Variants in MYH10 observed in about 807,000 individuals in gnomAD.
MYH10 encodes myosin-10.
Under a neutral mutation model 257.8 loss-of-function variants are expected in MYH10, and 55 were observed. The observed-to-expected ratio is 0.21, with a 90% CI of 0.17 to 0.27. MYH10 has a LOEUF of 0.27. MYH10 is among the 10% of genes least tolerant of loss of function. The probability of loss-of-function intolerance (pLI) is 1.00; values close to 1 mark genes in which losing one functional copy is unlikely to be tolerated. For missense variants in MYH10, 1,631 were observed against 2,500.6 expected, an observed-to-expected ratio of 0.65 and a Z score of 7.42; for synonymous variants, 854 against 921.7, an observed-to-expected ratio of 0.93 and a Z score of 1.33.
Position 8,535,587 on chromosome 17 carries a change from A to C in MYH10, c.1780-86T>G. The C allele has an allele frequency of 7.6e-7, 1 of 1,320,544 alleles. No homozygotes were observed. Among genetic ancestry groups the C allele is most frequent in the South Asian group, 1.3e-5 (1 of 74,672 alleles). The allele number at this position is 1,320,544 out of a possible 1,614,324, so 81.8% of individuals were successfully genotyped here. ...AAAACACTTTAAGCCTCAACCAGAA[A>C]CTTTTATACAACAGTCCCCAAAATG... is the stretch of plus-strand genomic sequence containing the variant. On this transcript the variant is annotated intron_variant, in intron 15 of 42. Transcript: ENST00000360416. This position sits in a 1 kb window ranked among gnomAD's most constrained non-coding sequence, Gnocchi z 4.3.
chr17:8,627,004 C>T (rs1395732814), intron 1 of MYH10, among the ~76,000 whole-genome samples: 1 of 152,124 alleles, frequency 6.6e-6, no homozygotes, highest in Non-Finnish European at 1.5e-5. Context: ...ATTGGGACAT[C>T]TTACATATTA....
At chr17:8,600,720 G>A (rs1267035973) in intron 3 of MYH10, among the ~76,000 whole-genome samples, 2 of 152,160 alleles carry the variant, frequency 1.3e-5, no homozygotes, top group African/African-American at 2.4e-5. Context: ...AGTGGTGATG[G>A]AGGTGCGGCT....
At chr17:8,614,017 T>C (rs1464102788) in intron 2 of MYH10, among the ~76,000 whole-genome samples, 4 of 152,188 alleles carry the variant, frequency 2.6e-5, no homozygotes, top group African/African-American at 9.6e-5. Flanking sequence ...AATTTCTACA[T>C]CTGTATATAC....
At chr17:8,620,179 G>A (rs1201530503) in intron 2 of MYH10, among the ~76,000 whole-genome samples, 1 of 152,058 alleles carries the variant, frequency 6.6e-6, no homozygotes, top group Non-Finnish European at 1.5e-5. Flanking sequence ...CATAAAAGCT[G>A]ACAATATACT....
chr17:8,508,514 C>A lies in MYH10; in HGVS notation c.3214+40G>T, dbSNP rs75819823. On this transcript the variant is annotated intron_variant, in intron 26 of 42. Coordinates refer to ENST00000360416, the MANE Select transcript of MYH10 (RefSeq NM_001256012.3). ...GATTACAGTAAAAGCTAAACACTCA[C>A]ATGTCCTAGTCCCTGATTTCTCTAG... 2,342 of 1,612,442 alleles carry A rather than the reference C, an allele frequency of 1.5e-3. 33 individuals carry two copies. In the African/African-American group the frequency reaches 0.028, roughly 19 times the overall value.
chr17:8,495,857 T>C (rs1916510777), intron 30 of MYH10, among the ~76,000 whole-genome samples: 2 of 152,072 alleles, frequency 1.3e-5, no homozygotes, highest in African/African-American at 2.4e-5. Context: ...TTACAGGCGC[T>C]TGCTACCGCG....
At chr17:8,573,935 C>CATGTGAGAGTTCCAGTT in intron 6 of MYH10, 1 of 417,148 alleles carries the variant, frequency 2.4e-6, no homozygotes, top group Non-Finnish European at 3.2e-6. Flanking sequence ...GAAACTGGAA[C>CATGTGAGAGTTCCAGTT]TCTCACATGT....
intron 14 of MYH10, among the ~76,000 whole-genome samples, chr17:8,541,639 C>G (rs551944888): frequency 8.6e-5 from 13 of 151,198 alleles, no homozygotes; most frequent in Admixed American, 8.6e-4. Context: ...ACAAGACTTC[C>G]CTGAGAACAA....
intron 7 of MYH10, among the ~76,000 whole-genome samples, chr17:8,560,081 C>A (rs149561880): frequency 1.3e-5 from 2 of 152,230 alleles, no homozygotes; most frequent in African/African-American, 2.4e-5. Context: ...AAAAAAAATT[C>A]TTTATATCCA....
At chr17:8,491,303 G>A (rs1408391393) in intron 34 of MYH10, among the ~76,000 whole-genome samples, 1 of 152,244 alleles carries the variant, frequency 6.6e-6, no homozygotes, top group Non-Finnish European at 1.5e-5. Context: ...GGATCAACAT[G>A]TGAGTGTTGA....
intron 14 of MYH10, 39 bp downstream of exon 14, chr17:8,542,068 G>A: frequency 1.3e-6 from 2 of 1,576,198 alleles, no homozygotes; most frequent in Non-Finnish European, 1.7e-6. Context: ...CACTGCTTGA[G>A]TGGAAAATGA....
chr17:8,625,859 T>C (rs887842310), intron 1 of MYH10, among the ~76,000 whole-genome samples: 1 of 152,136 alleles, frequency 6.6e-6, no homozygotes, highest in African/African-American at 2.4e-5. Flanking sequence ...TTGACAACCA[T>C]TGCTCCAAAG....
At position 8,569,067 on chromosome 17, in the gene MYH10, T is replaced by C. The variant is rs549567004; in HGVS notation, c.756+653A>G. On this transcript the variant is annotated intron_variant, in intron 7 of 42. Transcript: ENST00000360416. The surrounding 1 kb of genome is among the most constrained non-coding windows in gnomAD (Gnocchi z 4.1). ...TCTCTAAAAAAAAAAAAGTTACTCT[T>C]TTAAATTAGCCTGGTGAAGTAACGT... 6.6e-6 allele frequency among the ~76,000 whole-genome samples: 1 copy of C among 151,312 alleles called. No individual in the cohort carries two copies. The highest frequency in any genetic ancestry group is 2.1e-4 in the South Asian group (1 of 4,766).
intron 14 of MYH10, among the ~76,000 whole-genome samples, chr17:8,537,497 T>G (rs1029936219): frequency 6.6e-6 from 1 of 152,080 alleles, no homozygotes; most frequent in Non-Finnish European, 1.5e-5. Context: ...CCTGAAAGAA[T>G]TGTCAGGGTT....
intron 16 of MYH10, among the ~76,000 whole-genome samples, chr17:8,531,952 T>C (rs187279378): frequency 5.3e-4 from 81 of 152,346 alleles, no homozygotes; most frequent in Non-Finnish European, 1.1e-3. Flanking sequence ...TTTAACCTTC[T>C]GTGCCTGCCA....
chr17:8,577,175 T>G, intron 5 of MYH10, 61 bp downstream of exon 5: 1 of 1,393,034 alleles, frequency 7.2e-7, no homozygotes, highest in South Asian at 1.3e-5. Context: ...GCTTCCTTAT[T>G]TTTGTTTCTG....
intron 30 of MYH10, among the ~76,000 whole-genome samples, chr17:8,498,310 G>C (rs1344771914): frequency 1.3e-5 from 2 of 152,008 alleles, no homozygotes; most frequent in African/African-American, 4.8e-5. Context: ...TTTTATTAGG[G>C]ACTCCAGCAT....
At chr17:8,553,790 G>T in intron 8 of MYH10, 165 bp downstream of exon 8, 1 of 564,662 alleles carries the variant, frequency 1.8e-6, no homozygotes, top group Non-Finnish European at 3.2e-6. Context: ...AAAACAACTT[G>T]GAGTTAATAT....
At chr17:8,511,015 C>CATAT (rs56144668) in intron 24 of MYH10, 168 of 120,386 alleles carry the variant, frequency 1.4e-3, no homozygotes, top group African/African-American at 6.2e-3. Flanking sequence ...TCATGTACCC[C>CATAT]ATATATATAT....
Sources: allele counts gnomAD v4.1 joint callset (sites outside exome capture counted in the v4.1 genomes callset), GRCh38; gene constraint gnomAD v4.1.1; non-coding constraint Gnocchi (gnomAD v3.1); transcripts MANE v1.5; gene names NCBI Gene and HGNC (gene_info 2026-07-23, HGNC 2026-07-21).